ATF3: variants seen among roughly 807,000 people sequenced by gnomAD.
ATF3 encodes the protein cyclic AMP-dependent transcription factor ATF-3.
Under a neutral mutation model 18.4 loss-of-function variants are expected in ATF3, and 10 were observed. The ratio of observed to expected loss-of-function variants is 0.54; its 90% CI spans 0.34 to 0.92. The LOEUF (loss-of-function observed/expected upper bound fraction) is 0.92, where lower values mean the gene tolerates loss of function less well. ATF3 is among the 40% of genes least tolerant of loss of function. ATF3 has a pLI of 0.02. For synonymous variants in ATF3, 78 were observed against 87.9 expected (o/e 0.89, Z 0.63); for missense variants, 183 against 222.3 (o/e 0.82, Z 1.12).
Position 212,602,795 on chromosome 1 carries a change from A to T in ATF3, c.-4-12223A>T, listed in dbSNP as rs547435743. Among the ~76,000 whole-genome samples, 4 of 152,354 alleles carry T rather than the reference A, an allele frequency of 2.6e-5. No homozygotes were observed. The East Asian group carries it at 7.7e-4, about 29-fold the overall frequency. On this transcript the variant is annotated intron_variant, in intron 1 of 3. Coordinates refer to the ATF3 transcript ENST00000366981. ...CACTTAGAAAGAAGGGAGGGAACTAATCCTCTCAAGGTCCCAGGAATAAAA... is the reference window on the plus strand; with the variant it reads ...CACTTAGAAAGAAGGGAGGGAACTATTCCTCTCAAGGTCCCAGGAATAAAA...
At chr1:212,612,155 T>G (rs1443063555) in intron 1 of ATF3, among the ~76,000 whole-genome samples, 1 of 152,222 alleles carries the variant, frequency 6.6e-6, no homozygotes, top group African/African-American at 2.4e-5. Flanking sequence ...TCTGTTTTAT[T>G]TTCTGAAAGG....
chr1:212,601,705 A>T (rs1654488040), intron 1 of ATF3, among the ~76,000 whole-genome samples: 1 of 152,184 alleles, frequency 6.6e-6, no homozygotes, highest in Admixed American at 6.5e-5. Context: ...CTCAGTAAAT[A>T]GTAATTACTA....
At chr1:212,595,377 A>G (rs1335448987) in intron 1 of ATF3, among the ~76,000 whole-genome samples, 1 of 152,172 alleles carries the variant, frequency 6.6e-6, no homozygotes, top group African/African-American at 2.4e-5. Flanking sequence ...CAGCAGCCCC[A>G]GGCTACAGCC....
chr1:212,603,697 C>T (rs1169568715), intron 1 of ATF3, among the ~76,000 whole-genome samples: 1 of 151,746 alleles, frequency 6.6e-6, no homozygotes, highest in Non-Finnish European at 1.5e-5. Context: ...ATAGTGGTTA[C>T]CTCTGGGAAG....
At chr1:212,567,741 C>A (rs1017147161) in intron 1 of ATF3, among the ~76,000 whole-genome samples, 1 of 152,142 alleles carries the variant, frequency 6.6e-6, no homozygotes, top group Non-Finnish European at 1.5e-5. Flanking sequence ...AAAATCATTT[C>A]CCCCAGTTTT....
At chr1:212,592,024 TA>T (rs1664896723) in intron 1 of ATF3, among the ~76,000 whole-genome samples, 1 of 152,182 alleles carries the variant, frequency 6.6e-6, no homozygotes, top group Admixed American at 6.5e-5. Context: ...TGTTCTATTT[TA>T]ACCATTTGCA....
rs1282482076 is a variant in ATF3 at position 212,618,497 on chromosome 1, T to A, written c.348+263T>A. ...CCAGCAGCCTCGGCCGGTTCATACA[T>A]GTCCATCAGCTTCCAGGCTGCAGGA... On this transcript the variant is annotated intron_variant, in intron 3 of 3. Transcript: ENST00000341491. This position sits in a 1 kb window ranked among gnomAD's most constrained non-coding sequence, Gnocchi z 4.4. The A allele has an allele frequency of 2.0e-6, 1 of 499,810 alleles. No homozygotes were observed. The highest frequency in any genetic ancestry group is 3.2e-5 in the Admixed American group (1 of 30,820). The allele number at this position is 499,810 out of a possible 1,614,324, so 31.0% of individuals were successfully genotyped here. A position where few individuals can be genotyped will look rare whatever the true frequency, so the allele number is the denominator to read the frequency against.
At chr1:212,587,035 C>T (rs1227712969) in intron 1 of ATF3, among the ~76,000 whole-genome samples, 1 of 152,196 alleles carries the variant, frequency 6.6e-6, no homozygotes, top group Non-Finnish European at 1.5e-5. Flanking sequence ...TGAACATTTT[C>T]ACCAACTCTG....
At chr1:212,576,557 T>C (rs1260626102) in intron 1 of ATF3, among the ~76,000 whole-genome samples, 3 of 151,876 alleles carry the variant, frequency 2.0e-5, no homozygotes, top group South Asian at 2.1e-4. Context: ...TTGCTTTTAC[T>C]GATTTTTTTT....
intron 1 of ATF3, among the ~76,000 whole-genome samples, chr1:212,601,209 T>A (rs1269130267): frequency 1.3e-5 from 2 of 152,246 alleles, no homozygotes; most frequent in East Asian, 3.8e-4. Context: ...CTACTCAGTT[T>A]ACTCAGTCAA....
At chr1:212,611,591 A>G (rs924726819) in intron 1 of ATF3, among the ~76,000 whole-genome samples, 3 of 152,220 alleles carry the variant, frequency 2.0e-5, no homozygotes, top group Admixed American at 6.5e-5. Context: ...CCTCTTCAAG[A>G]GGTCTGGGAG....
intron 2 of ATF3, among the ~76,000 whole-genome samples, chr1:212,616,912 G>A (rs1655152811): frequency 6.6e-6 from 1 of 152,156 alleles, no homozygotes; most frequent in Non-Finnish European, 1.5e-5. Context: ...GATTATAGGG[G>A]TTAGGGTGGT....
chr1:212,595,957 G>A (rs1053385851), intron 1 of ATF3, among the ~76,000 whole-genome samples: 1 of 152,190 alleles, frequency 6.6e-6, no homozygotes, highest in African/African-American at 2.4e-5. Context: ...GCAGGAGGAG[G>A]AGGAAATTCC....
Position 212,620,698 on chromosome 1 carries a change from TA to T in ATF3, c.*1145del, listed in dbSNP as rs1351147065. The T allele has an allele frequency of 7.2e-5, 11 of 152,650 alleles. No homozygotes were observed. Among genetic ancestry groups the T allele is most frequent in the African/African-American group, 2.7e-4 (11 of 41,434 alleles). The allele number at this position is 152,650 out of a possible 1,614,324, so 9.5% of individuals were successfully genotyped here. On this transcript the variant is annotated 3_prime_UTR_variant, in exon 4 of 4. Coordinates refer to ENST00000341491, the MANE Select transcript of ATF3 (RefSeq NM_001674.4). ...TCAATGGTATCATTACAATTTTCTGTAAGAGAAAATATTACTTATTTATCCT... is the reference window on the plus strand; with the variant it reads ...TCAATGGTATCATTACAATTTTCTGTAGAGAAAATATTACTTATTTATCCT...
upstream of ATF3, among the ~76,000 whole-genome samples, chr1:212,608,084 C>A (rs1438085314): frequency 6.6e-6 from 1 of 152,212 alleles, no homozygotes; most frequent in African/African-American, 2.4e-5. Context: ...GCGGTCCCCG[C>A]CGCAGAGGTC....
intron 1 of ATF3, among the ~76,000 whole-genome samples, chr1:212,565,638 G>A (rs1367096292): frequency 1.3e-5 from 2 of 152,094 alleles, no homozygotes; most frequent in Non-Finnish European, 2.9e-5. Flanking sequence ...TGAGCAGTTC[G>A]GTGCATATGG....
rs551923831 is a variant in ATF3, at chr1:212,600,105, G to T, written c.-4-14913G>T. On this transcript the variant is annotated intron_variant, in intron 1 of 3. Transcript: ENST00000366981. ...TTGAGTGAACAACATACGAGAGTGG[G>T]GATACCACCATCTTCACAGTTCATC... 2.0e-5 allele frequency among the ~76,000 whole-genome samples: 3 copies of T among 152,312 alleles called. 1 individual carries two copies. The highest frequency in any genetic ancestry group is 4.1e-4 in the South Asian group (2 of 4,826).
At chr1:212,591,633 A>G (rs1664887494) in intron 1 of ATF3, among the ~76,000 whole-genome samples, 1 of 152,146 alleles carries the variant, frequency 6.6e-6, no homozygotes, top group Non-Finnish European at 1.5e-5. Context: ...TATCCTTGAT[A>G]GTAAGGCATT....
intron 1 of ATF3, among the ~76,000 whole-genome samples, chr1:212,566,367 C>A (rs1309437682): frequency 1.3e-5 from 2 of 152,124 alleles, no homozygotes; most frequent in Admixed American, 1.3e-4. Context: ...TGCTGTGCGA[C>A]CTTGGACAAG....
Sources: gnomAD v4.1 joint callset for allele counts (sites outside exome capture counted in the v4.1 genomes callset) on GRCh38, gnomAD v4.1.1 for gene constraint, Gnocchi (gnomAD v3.1) non-coding constraint, MANE v1.5 for transcripts, NCBI Gene and HGNC (gene_info 2026-07-23, HGNC 2026-07-21) for gene names.